The following CEP72 variants were observed in gnomAD, a reference collection of about 807,000 sequenced individuals.
CEP72 encodes the protein centrosomal protein 72.
A neutral mutation model predicts 65.7 loss-of-function variants in CEP72; 78 were observed. That is an observed-to-expected ratio of 1.19 (90% confidence interval 0.99 to 1.43). The LOEUF is 1.43. Ranked by LOEUF, CEP72 falls within the 40% of genes most tolerant of loss-of-function variation. CEP72 has a pLI of 0.00. For synonymous variants in CEP72, 358 were observed against 351.7 expected (o/e 1.02, Z -0.20); for missense variants, 914 against 832.9 (o/e 1.10, Z -1.20).
In CEP72 at chr5:644,399, C is replaced by T. The variant is rs1297597502; in HGVS notation, c.1640C>T (p.Ala547Val). 1.4e-5 allele frequency: 23 copies of T among 1,613,862 alleles called. 1 individual carries two copies. The East Asian group carries it at 4.7e-4, about 33-fold the overall frequency. ...AAGGAAGTGAAGAGTGCAGACACTG[C>T]AGCCACGTTAAATTTGCAGATCGCT... The part of the protein sequence containing the change: ...MKKEVKSADT[A>V]ATLNLQIAGL... Residue 547 changes from alanine (A) to valine (V), a missense_variant, in exon 10 of 12, where the codon GCA becomes GTA. Ala to Val is a moderately conservative substitution (Grantham distance 64). Transcript: ENST00000264935.
chr5:616,871 G>C (rs1736029094), intron 1 of CEP72, among the ~76,000 whole-genome samples: 1 of 151,024 alleles, frequency 6.6e-6, no homozygotes, highest in African/African-American at 2.4e-5. Flanking sequence ...GGCTGATGAT[G>C]TGAAGAGAGT....
At position 635,545 on chromosome 5, in the gene CEP72, C is replaced by T. The variant is rs200328644; in HGVS notation, c.865C>T (p.Arg289Cys). 1.5e-5 allele frequency: 24 copies of T among 1,613,950 alleles called. No homozygotes were observed. The highest frequency in any genetic ancestry group is 1.7e-4 in the Middle Eastern group (1 of 6,022). ...PLYGAEPEAS[R>C]APRPHTYFTP... ...GTACGGAGCGGAGCCAGAGGCCTCC[C>T]GTGCCCCCAGGCCACACACGTACTT... The change falls in exon 6 of 12, where the codon CGT becomes TGT. Residue 289 changes from arginine (R) to cysteine (C), a missense_variant. By Grantham distance (180) the Arg-to-Cys change is radical (BLOSUM62 -3). Transcript: ENST00000264935.
At chr5:652,840 GA>G in intron 11 of CEP72, 147 bp from the exon 12 acceptor site, 1 of 868,878 alleles carries the variant, frequency 1.2e-6, no homozygotes, top group South Asian at 2.0e-5. Context: ...GTGGGACACA[GA>G]AGGTGATGGG....
chr5:620,591 C>T (rs986802284), intron 3 of CEP72, among the ~76,000 whole-genome samples: 33 of 152,232 alleles, frequency 2.2e-4, no homozygotes, highest in African/African-American at 8.0e-4. Context: ...ATCTCCTGTC[C>T]TGTTTCCTCG....
Position 623,911 on chromosome 5 carries a change from C to T in CEP72, c.404-560C>T, listed in dbSNP as rs528994847. Among the ~76,000 whole-genome samples, 1 of 152,326 alleles carries T rather than the reference C, an allele frequency of 6.6e-6. No homozygotes were observed. Among genetic ancestry groups the T allele is most frequent in the East Asian group, 1.9e-4 (1 of 5,180 alleles). On this transcript the variant is annotated intron_variant, in intron 3 of 11. Transcript: ENST00000264935. This position sits in a 1 kb window ranked among gnomAD's most constrained non-coding sequence, Gnocchi z 5.3. ...GCGTGGGAACTTGTCACAGAATTCA[C>T]ATTACAAATGGGGGTTAAGATGTGT... is the stretch of plus-strand genomic sequence containing the variant.
At chr5:641,160 G>T (rs981026619) in intron 9 of CEP72, 1 of 984,736 alleles carries the variant, frequency 1.0e-6, no homozygotes, top group Non-Finnish European at 1.2e-6. Context: ...GCCTCATGGG[G>T]GCTCTGTCTC....
downstream of CEP72, chr5:661,836 T>G (rs1277898735): frequency 6.6e-6 from 1 of 152,358 alleles, no homozygotes; most frequent in Admixed American, 6.5e-5. Flanking sequence ...TTTCAAAGAT[T>G]CGCTTTGGAG....
chr5:668,987 A>AC (rs1740077896), downstream of CEP72, among the ~76,000 whole-genome samples: 1 of 152,144 alleles, frequency 6.6e-6, no homozygotes, highest in Non-Finnish European at 1.5e-5. Context: ...GTTCCCATAC[A>AC]CTTTACACGC....
chr5:654,111 C>CTG (rs371811905), downstream of CEP72, among the ~76,000 whole-genome samples: 4 of 137,178 alleles, frequency 2.9e-5, no homozygotes, highest in African/African-American at 5.5e-5. Flanking sequence ...TGTGTGCTAG[C>CTG]TGTGTGTGTG....
chr5:640,541 G>A lies in CEP72; in HGVS notation c.1476G>A (p.Gln492=). ...TGCAAAGCCGCCTTGCTGAGCAGCA[G>A]CAGCAGCACGCCCGGGAGATGAGCG... ...KSLQSRLAEQ[Q]QQHAREMSEV... Residue 492 remains glutamine, a synonymous_variant, in exon 9 of 12, where the codon CAG becomes CAA. Coordinates refer to ENST00000264935, the MANE Select transcript of CEP72 (RefSeq NM_018140.4). The A allele has an allele frequency of 6.2e-7, 1 of 1,614,142 alleles. No homozygotes were observed. Among genetic ancestry groups the A allele is most frequent in the Non-Finnish European group, 8.5e-7 (1 of 1,180,036 alleles).
At chr5:649,695 G>T (rs1252099439) in intron 11 of CEP72, among the ~76,000 whole-genome samples, 2 of 88,120 alleles carry the variant, frequency 2.3e-5, no homozygotes, top group Non-Finnish European at 4.5e-5. Context: ...GGCGTGGACT[G>T]TGAGGCGTGG....
At position 624,504 on chromosome 5, in the gene CEP72, C is replaced by CTTCCCGACTGCATTTTGCATCAGAGGA; in HGVS notation, c.438_464dup (p.Arg148_Ser156dup). On this transcript the variant is annotated inframe_insertion, in exon 4 of 12. Transcript: ENST00000264935. This position sits in a 1 kb window ranked among gnomAD's most constrained non-coding sequence, Gnocchi z 4.7. ...CCCGTGAGAGCAAGCGAGCGGAAGGCTTCCCGACTGCATTTTGCATCAGAG... is the reference window on the plus strand; with the variant it reads ...CCCGTGAGAGCAAGCGAGCGGAAGGCTTCCCGACTGCATTTTGCATCAGAGGATTCCCGACTGCATTTTGCATCAGAG... 1 of 1,614,190 alleles carries CTTCCCGACTGCATTTTGCATCAGAGGA rather than the reference C, an allele frequency of 6.2e-7. No homozygotes were observed. The highest frequency in any genetic ancestry group is 1.7e-5 in the Admixed American group (1 of 60,030).
At chr5:658,835 A>AT (rs1321330142), downstream of CEP72, among the ~76,000 whole-genome samples, 7 of 151,336 alleles carry the variant, frequency 4.6e-5, 1 homozygote, top group Non-Finnish European at 1.0e-4. Flanking sequence ...CGCCTGGCTA[A>AT]TTTTTTGTAT....
At chr5:669,866 ACACT>A (rs958434891), downstream of CEP72, among the ~76,000 whole-genome samples, 2 of 151,914 alleles carry the variant, frequency 1.3e-5, no homozygotes, top group African/African-American at 4.8e-5. Flanking sequence ...TTCCCCAGAG[ACACT>A]CAGTCTGGCT....
chr5:633,881 G>A lies in CEP72; in HGVS notation c.625G>A (p.Gly209Ser), dbSNP rs1009731120. The A allele has an allele frequency of 6.8e-6, 11 of 1,613,402 alleles. No homozygotes were observed. The highest frequency in any genetic ancestry group is 2.7e-5 in the African/African-American group (2 of 74,928). Residue 209 changes from glycine to serine, a missense_variant, in exon 5 of 12, where the codon GGC becomes AGC. Physicochemically the swap from Gly to Ser is moderately conservative, Grantham distance 56 (BLOSUM62 0). Coordinates refer to ENST00000264935, the MANE Select transcript of CEP72 (RefSeq NM_018140.4). ...CATTGCAGAGTGCGAGTGGGACCTC[G>A]GCAGGCCTCCCGGGAGCACGAGCTT... ...NLIAECEWDL[G>S]RPPGSTSFSQ...
intron 11 of CEP72, among the ~76,000 whole-genome samples, chr5:648,880 G>T (rs1482137792): frequency 8.1e-6 from 1 of 123,082 alleles, no homozygotes; most frequent in Non-Finnish European, 1.8e-5. Flanking sequence ...GTGACTGTGA[G>T]GTGTGACTGT....
In CEP72 at chr5:645,563, C is replaced by T. The variant is rs1187446968; in HGVS notation, c.1666+1138C>T. Among the ~76,000 whole-genome samples, 1 of 152,060 alleles carries T rather than the reference C, an allele frequency of 6.6e-6. No individual in the cohort carries two copies. ...TGGGTGCGCTGTTTTCCCCCATGCC[C>T]CAAAGCTGTGCACGCCAGGGTGTTG... On this transcript the variant is annotated intron_variant, in intron 10 of 11. Coordinates refer to ENST00000264935, the MANE Select transcript of CEP72 (RefSeq NM_018140.4). This position sits in a 1 kb window ranked among gnomAD's most constrained non-coding sequence, Gnocchi z 4.0.
intron 10 of CEP72, 47 bp downstream of exon 10, chr5:644,472 A>G (rs1289355819): frequency 2.5e-6 from 4 of 1,600,856 alleles, no homozygotes; most frequent in South Asian, 1.1e-5. Context: ...TAGGTGTTCA[A>G]ATGTGCCTAG....
chr5:666,594 C>T (rs1739925971), intron 4 of CEP72, among the ~76,000 whole-genome samples: 1 of 151,392 alleles, frequency 6.6e-6, no homozygotes, highest in Admixed American at 6.6e-5. Context: ...AGCATGGGCG[C>T]AGGCCCACGC....
Sources: allele counts gnomAD v4.1 joint callset (sites outside exome capture counted in the v4.1 genomes callset), GRCh38; gene constraint gnomAD v4.1.1; non-coding constraint Gnocchi (gnomAD v3.1); transcripts MANE v1.5; gene names NCBI Gene and HGNC (gene_info 2026-07-23, HGNC 2026-07-21).